Variants in TSPAN12 observed in about 807,000 individuals in gnomAD.
TSPAN12 encodes tetraspanin 12.
A neutral mutation model predicts 39.2 loss-of-function variants in TSPAN12; 19 were observed. That is an observed-to-expected ratio of 0.49 (90% CI 0.34 to 0.71). The LOEUF (loss-of-function observed/expected upper bound fraction) is 0.71, where lower values mean the gene tolerates loss of function less well. Among genes scored for constraint, TSPAN12 ranks in the 30% least tolerant of loss-of-function variants. TSPAN12 has a pLI of 0.01. For synonymous variants in TSPAN12, 119 were observed against 124.8 expected (o/e 0.95, Z 0.31); for missense variants, 314 against 359.9 (o/e 0.87, Z 1.03).
chr7:120,801,432 T>A (rs1336267958), intron 7 of TSPAN12, among the ~76,000 whole-genome samples: 1 of 152,180 alleles, frequency 6.6e-6, no homozygotes, highest in Non-Finnish European at 1.5e-5. Context: ...ACCCAACACA[T>A]GGAACACAGA....
chr7:120,850,243 G>A (rs1794745482), intron 2 of TSPAN12, among the ~76,000 whole-genome samples: 1 of 152,160 alleles, frequency 6.6e-6, no homozygotes, highest in African/African-American at 2.4e-5. Context: ...AGACCACCAT[G>A]TTTTCCTATA....
At chr7:120,793,129 A>G (rs1450863865) in intron 7 of TSPAN12, among the ~76,000 whole-genome samples, 1 of 152,206 alleles carries the variant, frequency 6.6e-6, no homozygotes, top group South Asian at 2.1e-4. Flanking sequence ...TCTCCTCTCT[A>G]GGCTAAATAG....
intron 2 of TSPAN12, among the ~76,000 whole-genome samples, chr7:120,855,536 A>G (rs565575326): frequency 1.2e-4 from 19 of 152,258 alleles, no homozygotes; most frequent in Non-Finnish European, 1.8e-4. Context: ...TTTAAGAAGT[A>G]TAAACTACAA....
intron 4 of TSPAN12, among the ~76,000 whole-genome samples, chr7:120,831,212 A>G (rs1794384969): frequency 6.6e-6 from 1 of 152,054 alleles, no homozygotes; most frequent in Non-Finnish European, 1.5e-5. Context: ...ATAAATTAGT[A>G]CAGCCATTAT....
chr7:120,792,033 C>T lies in TSPAN12; in HGVS notation c.613-3136G>A, dbSNP rs76503121. ...TAGAATTCTGGAAATTAACCAAAGTCTTGCGGCAATCTGAGGAGCGTTTAT... is the reference window on the plus strand; with the variant it reads ...TAGAATTCTGGAAATTAACCAAAGTTTTGCGGCAATCTGAGGAGCGTTTAT... On this transcript the variant is annotated intron_variant, in intron 7 of 7. Transcript: ENST00000222747. 3.0e-3 allele frequency among the ~76,000 whole-genome samples: 464 copies of T among 152,272 alleles called. 3 individuals carry two copies. Among genetic ancestry groups the T allele is most frequent in the African/African-American group, 0.011 (448 of 41,548 alleles).
At chr7:120,828,522 C>T (rs935902989) in intron 4 of TSPAN12, among the ~76,000 whole-genome samples, 1 of 152,134 alleles carries the variant, frequency 6.6e-6, no homozygotes, top group Non-Finnish European at 1.5e-5. Flanking sequence ...TCTCCTCTGG[C>T]CCACTGTCCA....
chr7:120,835,537 G>A (rs74706919), intron 4 of TSPAN12, among the ~76,000 whole-genome samples: 2,039 of 152,246 alleles, frequency 0.013, 26 homozygotes, highest in African/African-American at 0.037. Flanking sequence ...TAGCTGTGTA[G>A]ACTTAGGCAA....
chr7:120,789,501 T>C (rs755884505), intron 7 of TSPAN12, among the ~76,000 whole-genome samples: 4 of 152,230 alleles, frequency 2.6e-5, no homozygotes, highest in African/African-American at 4.8e-5. Context: ...TAGACATACA[T>C]TCTGTGGGAA....
At chr7:120,800,780 A>C (rs1793755062) in intron 7 of TSPAN12, among the ~76,000 whole-genome samples, 2 of 118,258 alleles carry the variant, frequency 1.7e-5, no homozygotes, top group African/African-American at 3.2e-5. Context: ...ACAGAGTCTC[A>C]CTCTGTTGCC....
chr7:120,846,381 A>G (rs1387307257), intron 2 of TSPAN12, among the ~76,000 whole-genome samples: 1 of 152,234 alleles, frequency 6.6e-6, no homozygotes, highest in African/African-American at 2.4e-5. Flanking sequence ...TCTCTGTTCT[A>G]TACTGGCTTT....
At chr7:120,852,022 C>T (rs1007668923) in intron 2 of TSPAN12, among the ~76,000 whole-genome samples, 6 of 152,012 alleles carry the variant, frequency 3.9e-5, no homozygotes, top group South Asian at 2.1e-4. Flanking sequence ...TCTTCTTAGA[C>T]GCATTTATAG....
At chr7:120,825,493 C>T (rs1201584824) in intron 4 of TSPAN12, among the ~76,000 whole-genome samples, 1 of 152,126 alleles carries the variant, frequency 6.6e-6, no homozygotes, top group African/African-American at 2.4e-5. Flanking sequence ...TATCTACATG[C>T]TACATAGCCA....
chr7:120,816,917 C>T (rs55855220), intron 4 of TSPAN12, among the ~76,000 whole-genome samples: 60,349 of 151,762 alleles, frequency 0.4, 14,382 homozygotes, highest in African/African-American at 0.67. Flanking sequence ...TTAAAAGGCA[C>T]AGGAAAAGAA....
At chr7:120,850,250 T>C (rs1794745698) in intron 2 of TSPAN12, among the ~76,000 whole-genome samples, 1 of 152,212 alleles carries the variant, frequency 6.6e-6, no homozygotes, top group Admixed American at 6.5e-5. Context: ...CATGTTTTCC[T>C]ATAGATAGGG....
chr7:120,833,164 C>T (rs762059045), intron 4 of TSPAN12, among the ~76,000 whole-genome samples: 41 of 151,816 alleles, frequency 2.7e-4, no homozygotes, highest in Admixed American at 1.6e-3. Flanking sequence ...ACTGAACATA[C>T]GGTAAATAAT....
intron 4 of TSPAN12, 122 bp downstream of exon 4, chr7:120,838,655 G>C (rs945688753): frequency 5.8e-5 from 58 of 1,002,902 alleles, no homozygotes; most frequent in Middle Eastern, 5.1e-4. Context: ...AAACGAAAGC[G>C]TCCCTTCTTA....
chr7:120,788,593 T>C lies in TSPAN12; in HGVS notation c.917A>G (p.Ter306=), dbSNP rs1793454338. 6.2e-7 allele frequency: 1 copy of C among 1,614,148 alleles called. No individual in the cohort carries two copies. The highest frequency in any genetic ancestry group is 1.3e-5 in the African/African-American group (1 of 75,064). ...FNTHFEMEEL[*] ...GGTTTTCTTCTGTGACATTTCTTTTTATAACTCCTCCATCTCAAAGTGTGT... is the reference window on the plus strand; with the variant it reads ...GGTTTTCTTCTGTGACATTTCTTTTCATAACTCCTCCATCTCAAAGTGTGT... Residue 306 remains the stop codon, a stop_retained_variant, in exon 8 of 8, where the codon TAA becomes TGA. Coordinates refer to ENST00000222747, the MANE Select transcript of TSPAN12 (RefSeq NM_012338.4).
intron 7 of TSPAN12, among the ~76,000 whole-genome samples, chr7:120,802,914 AT>A (rs1793801698): frequency 6.6e-6 from 1 of 152,230 alleles, no homozygotes; most frequent in Non-Finnish European, 1.5e-5. Context: ...GTCAGGGACC[AT>A]GCAGGCTACC....
At chr7:120,803,443 A>G (rs1793812475) in intron 7 of TSPAN12, among the ~76,000 whole-genome samples, 1 of 152,150 alleles carries the variant, frequency 6.6e-6, no homozygotes, top group Non-Finnish European at 1.5e-5. Context: ...GTAATTAGGA[A>G]ACATATGTTC....
Sources: gnomAD v4.1 joint callset for allele counts (sites outside exome capture counted in the v4.1 genomes callset) on GRCh38, gnomAD v4.1.1 for gene constraint, MANE v1.5 for transcripts, NCBI Gene and HGNC (gene_info 2026-07-23, HGNC 2026-07-21) for gene names.